The following NALCN variants were observed in gnomAD, a reference collection of about 807,000 sequenced individuals.
NALCN encodes the protein sodium leak channel, non-selective.
In NALCN, 111 loss-of-function variants were observed where a neutral mutation model predicts 225.3. The ratio of observed to expected loss-of-function variants is 0.49; its 90% CI spans 0.42 to 0.58. NALCN has a LOEUF of 0.58. Ranked by LOEUF, NALCN falls within the 20% of genes least tolerant of loss-of-function variation. The pLI is 0.00. For missense variants in NALCN, 1,378 were observed against 2,202.4 expected, an observed-to-expected ratio of 0.63 and a Z score of 7.49; for synonymous variants, 764 against 769.0, an observed-to-expected ratio of 0.99 and a Z score of 0.11.
intron 13 of NALCN, among the ~76,000 whole-genome samples, chr13:101,208,334 C>A (rs1037075727): frequency 6.6e-6 from 1 of 152,068 alleles, no homozygotes; most frequent in Non-Finnish European, 1.5e-5. Flanking sequence ...GCAGAAACTC[C>A]GGACACGTCC....
chr13:101,293,160 C>T (rs1192265331), intron 7 of NALCN, among the ~76,000 whole-genome samples: 1 of 152,148 alleles, frequency 6.6e-6, no homozygotes, highest in South Asian at 2.1e-4. Context: ...ATTAAGGGAA[C>T]TGGAATTAAC....
rs1566809657 is a variant in NALCN, at chr13:101,097,962, G to C, written c.3163-2282C>G. Among the ~76,000 whole-genome samples the C allele has an allele frequency of 2.0e-5, 3 of 152,264 alleles. No homozygotes were observed. In the Middle Eastern group the frequency reaches 0.01, roughly 518 times the overall value. ...TGAGAAGCATTCAAGGCAGAAATAG[G>C]TTCCAGAAGGATTAAGTGACCAGAC... On this transcript the variant is annotated intron_variant, in intron 27 of 43. Transcript: ENST00000251127.
chr13:101,149,581 A>T (rs673149), intron 15 of NALCN, among the ~76,000 whole-genome samples: 2 of 152,134 alleles, frequency 1.3e-5, no homozygotes, highest in Non-Finnish European at 2.9e-5. Flanking sequence ...AACTCAGCAC[A>T]ACTTGGTCAT....
intron 15 of NALCN, among the ~76,000 whole-genome samples, chr13:101,153,045 T>C (rs1270462045): frequency 2.0e-5 from 3 of 151,958 alleles, no homozygotes; most frequent in Admixed American, 1.3e-4. Flanking sequence ...TACACTCCCA[T>C]GTAATTTTTC....
chr13:101,142,907 C>A (rs1036649547), intron 17 of NALCN, 173 bp downstream of exon 17: 5 of 909,040 alleles, frequency 5.5e-6, no homozygotes, highest in Non-Finnish European at 8.3e-6. Context: ...TGCAAAATTT[C>A]AATGCATAGA....
chr13:101,349,570 G>A (rs931840478), intron 6 of NALCN, among the ~76,000 whole-genome samples: 3 of 152,164 alleles, frequency 2.0e-5, no homozygotes, highest in Non-Finnish European at 4.4e-5. Context: ...GAGTATGGGA[G>A]GAAGACACAG....
intron 15 of NALCN, among the ~76,000 whole-genome samples, chr13:101,150,045 G>A (rs1226664674): frequency 1.3e-5 from 2 of 151,624 alleles, no homozygotes; most frequent in Non-Finnish European, 2.9e-5. Context: ...AATACATTTG[G>A]GTTTATTTAA....
rs150499680 is a variant in NALCN at position 101,292,885 on chromosome 13, C to T, written c.800-519G>A. 9.2e-5 allele frequency among the ~76,000 whole-genome samples: 14 copies of T among 152,154 alleles called. No individual in the cohort carries two copies. The East Asian group carries it at 1.9e-3, about 21-fold the overall frequency. ...TTGTCTTTGGATTCCATGGTGTTACCGAACACCAGAATGTAAGGCAGTGAA... is the reference window on the plus strand; with the variant it reads ...TTGTCTTTGGATTCCATGGTGTTACTGAACACCAGAATGTAAGGCAGTGAA... On this transcript the variant is annotated intron_variant, in intron 7 of 43. Transcript: ENST00000251127. This position sits in a 1 kb window ranked among gnomAD's most constrained non-coding sequence, Gnocchi z 4.3.
chr13:101,060,795 C>T lies in NALCN; in HGVS notation c.4756-828G>A, dbSNP rs146928862. 3.6e-3 allele frequency among the ~76,000 whole-genome samples: 551 copies of T among 152,246 alleles called. 3 individuals are homozygous for T. The highest frequency in any genetic ancestry group is 0.013 in the African/African-American group (520 of 41,524). On this transcript the variant is annotated intron_variant, in intron 41 of 43. Transcript: ENST00000251127. Reference sequence around the variant, plus strand: ...GTCAATCCAGGAGACCAATCTGTCTCGGCATATACTAAAGCCAGGACTCCT... The same window carrying T: ...GTCAATCCAGGAGACCAATCTGTCTTGGCATATACTAAAGCCAGGACTCCT...
intron 30 of NALCN, among the ~76,000 whole-genome samples, chr13:101,084,094 A>AT (rs2139521384): frequency 6.6e-6 from 1 of 152,282 alleles, no homozygotes; most frequent in East Asian, 1.9e-4. Flanking sequence ...TTTCTACATA[A>AT]TTACATTTTC....
At chr13:101,233,539 A>T (rs1341073717) in intron 12 of NALCN, among the ~76,000 whole-genome samples, 1 of 151,838 alleles carries the variant, frequency 6.6e-6, no homozygotes, top group African/African-American at 2.4e-5. Flanking sequence ...ACGGGGTTTC[A>T]CCATGTTAGC....
rs1252169901 is a variant in NALCN, at chr13:101,311,388, C to G, written c.800-19022G>C. ...GCCTAATTGCCCTGGCCAGGACTTC[C>G]AACATTATGTTGAATAGGAGTGGTG... is the stretch of plus-strand genomic sequence containing the variant. On this transcript the variant is annotated intron_variant, in intron 7 of 43. Coordinates refer to ENST00000251127, the MANE Select transcript of NALCN (RefSeq NM_052867.4). 6.6e-5 allele frequency among the ~76,000 whole-genome samples: 10 copies of G among 151,378 alleles called. No individual in the cohort carries two copies. In the East Asian group the frequency reaches 1.9e-3, roughly 29 times the overall value.
chr13:101,406,517 T>C (rs1370707987), intron 1 of NALCN, among the ~76,000 whole-genome samples: 3 of 152,162 alleles, frequency 2.0e-5, no homozygotes, highest in Admixed American at 2.0e-4. Context: ...ATTTAAATCA[T>C]ATAGCCTGGT....
intron 9 of NALCN, among the ~76,000 whole-genome samples, chr13:101,289,474 TA>T (rs2043466176): frequency 6.6e-6 from 1 of 151,450 alleles, no homozygotes; most frequent in Non-Finnish European, 1.5e-5. Flanking sequence ...AGCCAGTTCC[TA>T]GTGAGCTGCC....
At chr13:101,111,648 G>A (rs1273593776) in intron 18 of NALCN, among the ~76,000 whole-genome samples, 1 of 152,152 alleles carries the variant, frequency 6.6e-6, no homozygotes, top group Non-Finnish European at 1.5e-5. Flanking sequence ...TGAATCATGG[G>A]GGCAGGTCTT....
At chr13:101,404,330 T>G (rs2047559058) in intron 1 of NALCN, among the ~76,000 whole-genome samples, 1 of 152,242 alleles carries the variant, frequency 6.6e-6, no homozygotes, top group African/African-American at 2.4e-5. Flanking sequence ...TTTGCCTAGA[T>G]CTCAAATACT....
intron 6 of NALCN, among the ~76,000 whole-genome samples, chr13:101,370,619 G>A (rs2046512353): frequency 6.6e-6 from 1 of 152,148 alleles, no homozygotes; most frequent in African/African-American, 2.4e-5. Context: ...ACAGACCCAC[G>A]TATAGACAGG....
intron 18 of NALCN, among the ~76,000 whole-genome samples, chr13:101,121,458 C>T (rs1169548978): frequency 1.3e-5 from 2 of 152,084 alleles, no homozygotes; most frequent in African/African-American, 2.4e-5. Context: ...CAAATTAGGA[C>T]GAATGCCAAC....
intron 11 of NALCN, among the ~76,000 whole-genome samples, chr13:101,238,160 T>C (rs2041631329): frequency 1.3e-5 from 2 of 151,882 alleles, no homozygotes; most frequent in South Asian, 4.1e-4. Context: ...TGTTTGTGAG[T>C]GGCATTATTT....
Sources: allele counts gnomAD v4.1 joint callset (sites outside exome capture counted in the v4.1 genomes callset), GRCh38; gene constraint gnomAD v4.1.1; non-coding constraint Gnocchi (gnomAD v3.1); transcripts MANE v1.5; gene names NCBI Gene and HGNC (gene_info 2026-07-23, HGNC 2026-07-21).